The following NBPF20 variants were observed in gnomAD, a reference collection of about 807,000 sequenced individuals.
The protein encoded by NBPF20 is NBPF member 20.
In NBPF20, 90 loss-of-function variants were observed where a neutral mutation model predicts 68.1. The observed-to-expected ratio is 1.32, with a 90% CI of 1.11 to 1.58. The LOEUF is 1.58. Ranked by LOEUF, NBPF20 falls within the 40% of genes most tolerant of loss-of-function variation. NBPF20 has a pLI of 0.00. For missense variants in NBPF20, 816 were observed against 601.2 expected (o/e 1.36, Z -3.74); for synonymous variants, 290 against 228.1 (o/e 1.27, Z -2.45).
Position 145,377,607 on chromosome 1 carries a change from GA to G in NBPF20, c.3465-170del, listed in dbSNP as rs1164700185. On this transcript the variant is annotated intron_variant, in intron 29 of 137. Coordinates refer to ENST00000369373, the Ensembl canonical transcript of NBPF20. ...TGTTGGCATAGACCAGGGCCAGGTA[GA>G]AAAGAATGAAAGAGAAAGACAGGGA... Among the ~76,000 whole-genome samples, 5 of 141,340 alleles carry G rather than the reference GA, an allele frequency of 3.5e-5. No individual in the cohort carries two copies. In the East Asian group the frequency reaches 1.1e-3, roughly 31 times the overall value. The allele number at this position is 141,340 out of a possible 152,430, so 92.7% of individuals were successfully genotyped here. A position where few individuals can be genotyped will look rare whatever the true frequency, so the allele number is the denominator to read the frequency against.
chr1:145,425,175 G>A, the NBPF20 span, among the ~76,000 whole-genome samples: 1 of 152,282 alleles, frequency 6.6e-6, no homozygotes, highest in African/African-American at 2.4e-5. Context: ...GGCAAGTGAG[G>A]AATCCAACGC....
chr1:145,411,375 T>A, the NBPF20 span, among the ~76,000 whole-genome samples: 1 of 150,204 alleles, frequency 6.7e-6, no homozygotes, highest in Non-Finnish European at 1.5e-5. Context: ...TACATAAATT[T>A]TGTTGACTTT....
At chr1:145,412,706 CT>C in the NBPF20 span, among the ~76,000 whole-genome samples, 1 of 134,394 alleles carries the variant, frequency 7.4e-6, no homozygotes, top group Non-Finnish European at 1.6e-5. Context: ...GGAAAAACTA[CT>C]GGTAGCATCT....
At chr1:145,400,989 A>T in intron 5 of NBPF20, 70 bp downstream of exon 10, 1 of 1,531,706 alleles carries the variant, frequency 6.5e-7, no homozygotes, top group Non-Finnish European at 9.0e-7. Context: ...TAGATGCCAG[A>T]GAGGGTGTGC....
upstream of NBPF20, among the ~76,000 whole-genome samples, chr1:145,407,123 A>G (rs1470454080): frequency 6.9e-6 from 1 of 144,946 alleles, no homozygotes; most frequent in Non-Finnish European, 1.5e-5. Flanking sequence ...CGTTTTACTT[A>G]AAAGTCTTTC....
At chr1:145,292,676 C>A (rs1388794929) in intron 136 of NBPF20, among the ~76,000 whole-genome samples, 187 bp from the exon 142 acceptor site, 1 of 146,890 alleles carries the variant, frequency 6.8e-6, no homozygotes, top group Non-Finnish European at 1.5e-5. Flanking sequence ...CTCCCAGAAA[C>A]TGTGGGTAAA....
At chr1:145,342,754 T>C (rs1306225377) in intron 73 of NBPF20, among the ~76,000 whole-genome samples, 195 bp from the exon 79 acceptor site, 5,826 of 94,690 alleles carry the variant, frequency 0.062, 8 homozygotes, top group Non-Finnish European at 0.086. Flanking sequence ...GAAAGACAGA[T>C]AGACACACAC....
At chr1:145,410,698 ATATG>A in the NBPF20 span, among the ~76,000 whole-genome samples, 1,399 of 112,902 alleles carry the variant, frequency 0.012, 23 homozygotes, top group African/African-American at 0.035. Context: ...CAATATATAT[ATATG>A]TGTGTGTGTG....
upstream of NBPF20, among the ~76,000 whole-genome samples, chr1:145,409,731 T>G (rs1439796936): frequency 2.6e-5 from 4 of 151,664 alleles, no homozygotes; most frequent in Non-Finnish European, 4.4e-5. Flanking sequence ...TTAACTGAGG[T>G]TCCAGAGGAA....
At chr1:145,394,478 C>A (rs1225678140) in intron 8 of NBPF20, among the ~76,000 whole-genome samples, 2 of 151,950 alleles carry the variant, frequency 1.3e-5, no homozygotes. Context: ...CTAAAACAAG[C>A]GAACTTAGAA....
At chr1:145,410,283 CT>C (rs1333468818), upstream of NBPF20, among the ~76,000 whole-genome samples, 6 of 150,982 alleles carry the variant, frequency 4.0e-5, no homozygotes, top group African/African-American at 1.5e-4. Flanking sequence ...AGTGGAGCAT[CT>C]TTTCCTATGC....
intron 7 of NBPF20, among the ~76,000 whole-genome samples, chr1:145,398,046 T>C (rs1571368112): frequency 6.6e-6 from 1 of 152,182 alleles, no homozygotes; most frequent in South Asian, 2.1e-4. Flanking sequence ...CCTAAACATA[T>C]ATGCACCGTA....
At chr1:145,402,137 T>A in intron 4 of NBPF20, 30 bp downstream of exon 9, 1 of 1,378,592 alleles carries the variant, frequency 7.3e-7, no homozygotes, top group South Asian at 1.2e-5. Context: ...GCCTGGGATT[T>A]TGGGTCATCA....
At chr1:145,407,835 C>G (rs1553668146), upstream of NBPF20, 1 of 160,924 alleles carries the variant, frequency 6.2e-6, no homozygotes, top group African/African-American at 2.4e-5. Context: ...CAAGGACCCA[C>G]CTTCCATCTG....
the NBPF20 span, among the ~76,000 whole-genome samples, chr1:145,419,073 AAGGGAGGGAGGAAGGAAGGAAGGAAGGG>A: frequency 7.4e-6 from 1 of 134,262 alleles, no homozygotes; most frequent in African/African-American, 2.9e-5. Context: ...AGGAAGGAGG[AAGGGAGGGAGGAAGGAAGGAAGGAAGGG>A]AGGGAGGGAG....
the NBPF20 span, among the ~76,000 whole-genome samples, chr1:145,425,357 G>C: frequency 6.6e-6 from 1 of 152,070 alleles, no homozygotes. Context: ...CTTCACCTCG[G>C]AAACGCTGGG....
chr1:145,291,752 A>T, exon 138 of NBPF20: 3 of 1,611,982 alleles, frequency 1.9e-6, no homozygotes, highest in Non-Finnish European at 1.7e-6. Context: ...TTCCACTTCC[A>T]TCAGCACGCC....
intron 10 of NBPF20, among the ~76,000 whole-genome samples, chr1:145,392,844 A>C (rs1553662355): frequency 1.0e-5 from 1 of 98,190 alleles, no homozygotes; most frequent in African/African-American, 6.3e-5. Context: ...TGAGAGTAGG[A>C]TTAGGGCACC....
At chr1:145,415,344 G>A in the NBPF20 span, among the ~76,000 whole-genome samples, 10 of 151,132 alleles carry the variant, frequency 6.6e-5, no homozygotes, top group South Asian at 2.1e-4. Context: ...GGGACGAGCC[G>A]GAGACAGATG....
Sources: gnomAD v4.1 joint callset for allele counts (sites outside exome capture counted in the v4.1 genomes callset) on GRCh38, gnomAD v4.1.1 for gene constraint, MANE v1.5 for transcripts, NCBI Gene and HGNC (gene_info 2026-07-23, HGNC 2026-07-21) for gene names.